The following C12orf76 variants were observed in gnomAD, a reference collection of about 807,000 sequenced individuals.
The protein encoded by C12orf76 is uncharacterized protein C12orf76.
In C12orf76, 6 loss-of-function variants were observed where a neutral mutation model predicts 6.8. The ratio of observed to expected loss-of-function variants is 0.88; its 90% CI spans 0.48 to 1.73. C12orf76 has a LOEUF of 1.73. C12orf76 is among the 40% of genes most tolerant of loss of function. The pLI, the probability that C12orf76 is intolerant of heterozygous loss-of-function variation, is 0.01. For synonymous variants in C12orf76, 56 were observed against 43.7 expected, an observed-to-expected ratio of 1.28 and a Z score of -1.11; for missense variants, 99 against 98.2, an observed-to-expected ratio of 1.01 and a Z score of -0.03.
chr12:110,055,578 T>C (rs539191147), intron 4 of C12orf76, among the ~76,000 whole-genome samples: 1 of 152,260 alleles, frequency 6.6e-6, no homozygotes, highest in South Asian at 2.1e-4. Context: ...ACAGAGCCGA[T>C]TCATCAAGAC....
In C12orf76 at chr12:110,057,073, A is replaced by G. The variant is rs1170575699; in HGVS notation, n.664+116T>C. 3 of 693,418 alleles carry G rather than the reference A, an allele frequency of 4.3e-6. No individual in the cohort carries two copies. In the Admixed American group the frequency reaches 6.5e-5, roughly 15 times the overall value. The allele number at this position is 693,418 out of a possible 1,614,324, so 43.0% of individuals were successfully genotyped here. ...TGGAGGGTGAGGTTGAGCCCATGGA[A>G]CCCTCAGGCTGCTTGTGCTGGACTC... On this transcript the variant is annotated intron_variant and non_coding_transcript_variant, in intron 4 of 4. Transcript: ENST00000309050.
intron 2 of C12orf76, among the ~76,000 whole-genome samples, chr12:110,062,623 ATT>A (rs35576534): frequency 3.5e-5 from 5 of 143,608 alleles, no homozygotes; most frequent in Non-Finnish European, 3.0e-5. Flanking sequence ...AAAAAAAGAG[ATT>A]TTTTTTTTTT....
chr12:110,051,513 G>A (rs961875316), upstream of C12orf76, among the ~76,000 whole-genome samples: 8 of 148,488 alleles, frequency 5.4e-5, no homozygotes, highest in African/African-American at 1.5e-4. Context: ...TGCAACCTCC[G>A]CCCCCTAGGT....
intron 1 of C12orf76, chr12:110,066,103 C>T: frequency 7.0e-7 from 1 of 1,423,582 alleles, no homozygotes; most frequent in Middle Eastern, 2.6e-4. Flanking sequence ...TGGTCAGGGG[C>T]AGGCCGGGCG....
upstream of C12orf76, among the ~76,000 whole-genome samples, chr12:110,052,086 C>T (rs531282676): frequency 7.4e-5 from 11 of 147,942 alleles, no homozygotes; most frequent in Non-Finnish European, 1.5e-4. Flanking sequence ...TTAGTAGAGA[C>T]GGGGTTTCAC....
intron 1 of C12orf76, among the ~76,000 whole-genome samples, chr12:110,043,874 A>AAAC (rs766998430): frequency 0.12 from 11,685 of 98,130 alleles, 699 homozygotes; most frequent in African/African-American, 0.23. Context: ...CAAAAACAAA[A>AAAC]AAAAAAATGT....
At chr12:110,060,289 G>A (rs1210836133) in intron 2 of C12orf76, among the ~76,000 whole-genome samples, 1 of 152,028 alleles carries the variant, frequency 6.6e-6, no homozygotes, top group African/African-American at 2.4e-5. Flanking sequence ...CTTCTTCATA[G>A]CCAAGTCCCC....
At chr12:110,063,920 A>AAACG (rs1442517026) in intron 2 of C12orf76, among the ~76,000 whole-genome samples, 1 of 152,030 alleles carries the variant, frequency 6.6e-6, no homozygotes, top group Non-Finnish European at 1.5e-5. Flanking sequence ...ACAAACAAAC[A>AAACG]AACGAACAAA....
At chr12:110,057,706 G>A (rs1892693867) in intron 3 of C12orf76, among the ~76,000 whole-genome samples, 1 of 151,988 alleles carries the variant, frequency 6.6e-6, no homozygotes, top group Non-Finnish European at 1.5e-5. Context: ...TTCCACTTTT[G>A]GGGGTTAGAT....
chr12:110,058,065 CAAAAAAAAA>C (rs59838926), intron 3 of C12orf76, among the ~76,000 whole-genome samples: 1 of 52,664 alleles, frequency 1.9e-5, no homozygotes, highest in African/African-American at 6.6e-5. Context: ...GACTCGGTCT[CAAAAAAAAA>C]AAAAAAAAAA....
At chr12:110,059,289 A>G (rs986025132) in intron 2 of C12orf76, 16 of 1,169,582 alleles carry the variant, frequency 1.4e-5, no homozygotes, top group African/African-American at 3.1e-5. Context: ...GGGATTCTCC[A>G]TATATGGGAT....
intron 1 of C12orf76, 25 bp downstream of exon 1, chr12:110,048,338 G>A (rs1566073321): frequency 8.1e-6 from 12 of 1,479,144 alleles, no homozygotes; most frequent in Admixed American, 2.3e-5. Context: ...ACTACCCGCC[G>A]CCCGCCAGCC....
chr12:110,059,028 G>C (rs1201269289), exon 3 of C12orf76: 24 of 1,551,376 alleles, frequency 1.5e-5, no homozygotes, highest in Non-Finnish European at 2.1e-5. Context: ...TGAATGAAGC[G>C]AGAAGCTTGT....
At chr12:110,072,165 G>A (rs769979742), upstream of C12orf76, among the ~76,000 whole-genome samples, 1 of 151,972 alleles carries the variant, frequency 6.6e-6, no homozygotes, top group Non-Finnish European at 1.5e-5. Flanking sequence ...GGTGGCTCAC[G>A]CCTGTAATCC....
At chr12:110,063,980 A>G (rs1025124402) in intron 2 of C12orf76, among the ~76,000 whole-genome samples, 2 of 152,206 alleles carry the variant, frequency 1.3e-5, no homozygotes, top group African/African-American at 2.4e-5. Context: ...CAGAGTCTCC[A>G]GACAAGAACT....
rs115363034 is a variant in C12orf76, at chr12:110,054,401, G to A, written n.664+2788C>T. On this transcript the variant is annotated intron_variant and non_coding_transcript_variant, in intron 4 of 4. Coordinates refer to the C12orf76 transcript ENST00000309050. The surrounding 1 kb of genome is among the most constrained non-coding windows in gnomAD (Gnocchi z 4.4). The stretch of plus-strand genomic sequence containing the variant: ...GGGTACTCATACATGCTATTACATC[G>A]ATGAACCTTGAAAACATTATGTCTG... Among the ~76,000 whole-genome samples the A allele has an allele frequency of 2.6e-3, 396 of 152,264 alleles. 4 individuals carry two copies. Among genetic ancestry groups the A allele is most frequent in the African/African-American group, 5.8e-3 (241 of 41,556 alleles).
chr12:110,063,439 C>G (rs917611642), intron 2 of C12orf76, among the ~76,000 whole-genome samples: 1 of 148,884 alleles, frequency 6.7e-6, no homozygotes, highest in African/African-American at 2.5e-5. Flanking sequence ...CCTACCACTA[C>G]GCCTGGCTAA....
chr12:110,065,721 T>C, intron 2 of C12orf76: 2 of 1,450,204 alleles, frequency 1.4e-6, no homozygotes, highest in Non-Finnish European at 9.6e-7. Context: ...CAGTGGCCCA[T>C]GAGAGCTTCT....
At chr12:110,071,555 C>G (rs1380138567), upstream of C12orf76, among the ~76,000 whole-genome samples, 1 of 151,730 alleles carries the variant, frequency 6.6e-6, no homozygotes, top group Non-Finnish European at 1.5e-5. Context: ...GATGCAGAAA[C>G]AGAGGCTCAG....
Sources: allele counts gnomAD v4.1 joint callset (sites outside exome capture counted in the v4.1 genomes callset), GRCh38; gene constraint gnomAD v4.1.1; non-coding constraint Gnocchi (gnomAD v3.1); transcripts MANE v1.5; gene names NCBI Gene and HGNC (gene_info 2026-07-23, HGNC 2026-07-21).